Variants in KLHL5 observed in about 807,000 individuals in gnomAD.
The protein encoded by KLHL5 is kelch-like protein 5.
A neutral mutation model predicts 77.7 loss-of-function variants in KLHL5; 48 were observed. That is an observed-to-expected ratio of 0.62 (90% confidence interval 0.49 to 0.79). KLHL5 has a LOEUF of 0.79. Ranked by LOEUF, KLHL5 falls within the 30% of genes least tolerant of loss-of-function variation. The pLI, the probability that KLHL5 is intolerant of heterozygous loss-of-function variation, is 0.00. For missense variants in KLHL5, 723 were observed against 859.7 expected, an observed-to-expected ratio of 0.84 and a Z score of 1.99; for synonymous variants, 260 against 297.0, an observed-to-expected ratio of 0.88 and a Z score of 1.28.
chr4:39,066,331 G>C (rs1717893869), intron 1 of KLHL5, among the ~76,000 whole-genome samples: 1 of 151,860 alleles, frequency 6.6e-6, no homozygotes, highest in African/African-American at 2.4e-5. Context: ...GTATAAACAT[G>C]ATTTATACTT....
Position 39,088,730 on chromosome 4 carries a change from G to A in KLHL5, c.1113+2003G>A, listed in dbSNP as rs1683218545. ...GAGGGGGTTTTGACGAGAAGGCAGG[G>A]AGAATTTCTTACAGTGTTATTTGAT... On this transcript the variant is annotated intron_variant, in intron 5 of 10. Transcript: ENST00000504108. 3.3e-5 allele frequency among the ~76,000 whole-genome samples: 5 copies of A among 152,282 alleles called. No individual in the cohort carries two copies. In the South Asian group the frequency reaches 1.0e-3, roughly 32 times the overall value.
chr4:39,057,683 A>G (rs1414405905), upstream of KLHL5, among the ~76,000 whole-genome samples: 2 of 152,198 alleles, frequency 1.3e-5, no homozygotes, highest in Non-Finnish European at 2.9e-5. Flanking sequence ...TAACTGAGGA[A>G]AAACAGAGAG....
At chr4:39,128,647 A>G (rs1723662188), downstream of KLHL5, among the ~76,000 whole-genome samples, 1 of 152,222 alleles carries the variant, frequency 6.6e-6, no homozygotes, top group African/African-American at 2.4e-5. Flanking sequence ...AATGCCAATC[A>G]TGCCTTCTGT....
At chr4:39,103,707 TC>T (rs1721796931) in intron 7 of KLHL5, among the ~76,000 whole-genome samples, 196 bp downstream of exon 7, 1 of 152,018 alleles carries the variant, frequency 6.6e-6, no homozygotes. Flanking sequence ...ATGCCTATAA[TC>T]CCAGCAATTT....
intron 6 of KLHL5, among the ~76,000 whole-genome samples, chr4:39,099,891 G>C (rs747737639): frequency 2.6e-5 from 4 of 152,172 alleles, no homozygotes; most frequent in Non-Finnish European, 5.9e-5. Flanking sequence ...CCATTGTTCA[G>C]ATAATCTGCA....
chr4:39,100,035 C>T (rs528396939), intron 6 of KLHL5, among the ~76,000 whole-genome samples: 1 of 152,096 alleles, frequency 6.6e-6, no homozygotes, highest in South Asian at 2.1e-4. Flanking sequence ...TGTATAATAC[C>T]CTCACTTTGA....
upstream of KLHL5, among the ~76,000 whole-genome samples, chr4:39,060,465 CT>C (rs1717324273): frequency 6.6e-6 from 1 of 151,794 alleles, no homozygotes. Context: ...CCACCACCAC[CT>C]ATTTTCCAGA....
At chr4:39,095,492 G>T (rs1449938924) in intron 5 of KLHL5, among the ~76,000 whole-genome samples, 1 of 151,958 alleles carries the variant, frequency 6.6e-6, no homozygotes, top group Admixed American at 6.6e-5. Context: ...GACCCACCTG[G>T]AGTCAATTCA....
chr4:39,110,814 T>A (rs1722404258), intron 8 of KLHL5, among the ~76,000 whole-genome samples: 1 of 152,128 alleles, frequency 6.6e-6, no homozygotes, highest in Non-Finnish European at 1.5e-5. Flanking sequence ...AAGACCTAAA[T>A]CTTATTATTA....
intron 1 of KLHL5, among the ~76,000 whole-genome samples, chr4:39,055,991 A>G (rs532869141): frequency 6.6e-6 from 1 of 152,294 alleles, no homozygotes; most frequent in South Asian, 2.1e-4. Flanking sequence ...TAAAATCCCT[A>G]TATTACATGG....
intron 1 of KLHL5, among the ~76,000 whole-genome samples, chr4:39,047,561 C>T (rs577873881): frequency 2.0e-5 from 3 of 152,280 alleles, no homozygotes; most frequent in East Asian, 3.9e-4. Flanking sequence ...ATCTAAAAGT[C>T]GGCATTTTAA....
intron 5 of KLHL5, among the ~76,000 whole-genome samples, chr4:39,087,096 C>T (rs758909333): frequency 6.6e-6 from 1 of 151,300 alleles, no homozygotes; most frequent in African/African-American, 2.4e-5. Context: ...TTTTTAGTAG[C>T]GATAGGGTTT....
chr4:39,105,596 T>C lies in KLHL5; in HGVS notation c.1526-1973T>C, dbSNP rs1228680967. ...ATATCATAAACATGTATATACAGTATGTGTATATATTATATATGTATATTT... is the reference window on the plus strand; with the variant it reads ...ATATCATAAACATGTATATACAGTACGTGTATATATTATATATGTATATTT... On this transcript the variant is annotated intron_variant, in intron 7 of 10. Coordinates refer to ENST00000504108, the MANE Select transcript of KLHL5 (RefSeq NM_015990.5). Among the ~76,000 whole-genome samples the C allele has an allele frequency of 2.0e-5, 3 of 151,528 alleles. No homozygotes were observed. The South Asian group carries it at 6.2e-4, about 31-fold the overall frequency.
rs552200419 is a variant in KLHL5, at chr4:39,111,686, A to G, written c.1689-1334A>G. Among the ~76,000 whole-genome samples the G allele has an allele frequency of 3.7e-4, 56 of 152,320 alleles. 1 individual carries two copies. Among genetic ancestry groups the G allele is most frequent in the African/African-American group, 1.3e-3 (53 of 41,574 alleles). On this transcript the variant is annotated intron_variant, in intron 8 of 10. Coordinates refer to ENST00000504108, the MANE Select transcript of KLHL5 (RefSeq NM_015990.5). ...ACATAAACAAGTTACTAATAGATAA[A>G]AGTTTTTAACAGATAAAAAGTTTTA...
chr4:39,136,226 C>T, the KLHL5 span, among the ~76,000 whole-genome samples: 1 of 151,912 alleles, frequency 6.6e-6, no homozygotes, highest in Non-Finnish European at 1.5e-5. Flanking sequence ...GTGACATGAT[C>T]TCTGCTCACT....
rs779862633 is a variant in KLHL5 at position 39,103,326 on chromosome 4, T to C, written c.1340T>C (p.Met447Thr). ...SIEKYDLRTN[M>T]WTPVANMNGR... ...GAAAAGTATGATCTCCGTACAAATA[T>C]GTGGACTCCAGTAGCAAATATGAAT... The change falls in exon 7 of 11, where the codon ATG becomes ACG. Residue 447 changes from methionine (M) to threonine (T), a missense_variant. This residue lies in a region of KLHL5 where 288 missense variants were observed against 400.3 expected (regional missense o/e 0.72). Coordinates refer to ENST00000504108, the MANE Select transcript of KLHL5 (RefSeq NM_015990.5). 3.1e-6 allele frequency: 5 copies of C among 1,614,054 alleles called. No individual in the cohort carries two copies. Among genetic ancestry groups the C allele is most frequent in the Non-Finnish European group, 4.2e-6 (5 of 1,179,992 alleles).
At chr4:39,095,522 A>C (rs573839109) in intron 5 of KLHL5, among the ~76,000 whole-genome samples, 1 of 152,014 alleles carries the variant, frequency 6.6e-6, no homozygotes, top group African/African-American at 2.4e-5. Flanking sequence ...AATCTATCCT[A>C]TAAAGGTAAA....
chr4:39,076,289 A>G (rs1257606300), intron 2 of KLHL5, 142 bp downstream of exon 2: 6 of 665,248 alleles, frequency 9.0e-6, no homozygotes, highest in Non-Finnish European at 1.3e-5. Flanking sequence ...AAAACGGTGC[A>G]TATGAAATTA....
chr4:39,053,767 T>C (rs1716821988), intron 1 of KLHL5, among the ~76,000 whole-genome samples: 1 of 152,188 alleles, frequency 6.6e-6, no homozygotes, highest in Admixed American at 6.5e-5. Context: ...AAATAAAGGC[T>C]ATATAATATT....
Sources: allele counts gnomAD v4.1 joint callset (sites outside exome capture counted in the v4.1 genomes callset), GRCh38; gene constraint gnomAD v4.1.1; regional missense constraint gnomAD v4.1.1; transcripts MANE v1.5; gene names NCBI Gene and HGNC (gene_info 2026-07-23, HGNC 2026-07-21).